Variants in GNL3L observed in about 807,000 individuals in gnomAD.
The protein encoded by GNL3L is G protein nucleolar 3 like.
GNL3L carries 4 observed loss-of-function variants against 42.9 expected under a neutral mutation model. That is an observed-to-expected ratio of 0.09 (90% CI 0.05 to 0.21). The LOEUF (loss-of-function observed/expected upper bound fraction) is 0.21. Ranked by LOEUF, GNL3L falls within the 10% of genes least tolerant of loss-of-function variation. The pLI is 1.00. For missense variants in GNL3L, 412 were observed against 481.7 expected, an observed-to-expected ratio of 0.86 and a Z score of 1.36; for synonymous variants, 159 against 176.3, an observed-to-expected ratio of 0.90 and a Z score of 0.78.
chrX:54,586,725 C>G (rs1345090087), intron 16 of GNL3L, among the ~76,000 whole-genome samples: 2 of 112,080 alleles, frequency 1.8e-5, no homozygotes, highest in East Asian at 5.6e-4. Flanking sequence ...CTCTACATAC[C>G]ACAGACAGCA....
At chrX:54,539,231 C>T (rs1924540138) in intron 3 of GNL3L, 130 bp downstream of exon 3, 1 of 368,449 alleles carries the variant, frequency 2.7e-6, no homozygotes. Flanking sequence ...ATCTGGCTTT[C>T]CCTCCTTCTC....
intron 14 of GNL3L, among the ~76,000 whole-genome samples, chrX:54,557,496 G>T (rs967394331): frequency 1.8e-5 from 2 of 110,906 alleles, no homozygotes; most frequent in African/African-American, 3.3e-5. Context: ...GTGCAGTGGT[G>T]CAGTCTTGGC....
intron 8 of GNL3L, among the ~76,000 whole-genome samples, chrX:54,547,827 G>T (rs1334083656): frequency 8.9e-6 from 1 of 112,091 alleles, no homozygotes; most frequent in Non-Finnish European, 1.9e-5. Flanking sequence ...TGTGGGCCAG[G>T]CTCCCTCTCA....
the GNL3L span, among the ~76,000 whole-genome samples, chrX:54,634,342 C>CCTGGG: frequency 8.9e-6 from 1 of 111,755 alleles, no homozygotes; most frequent in Admixed American, 9.5e-5. Flanking sequence ...ACTCTTGTTA[C>CCTGGG]CTGGGCTGGA....
chrX:54,625,335 G>A (rs1039120479), downstream of GNL3L, among the ~76,000 whole-genome samples: 15 of 108,050 alleles, frequency 1.4e-4, no homozygotes, highest in African/African-American at 5.0e-4. Flanking sequence ...TAGAGGAAGC[G>A]CTCTTCTATC....
At chrX:54,586,591 C>T (rs184181509) in intron 16 of GNL3L, among the ~76,000 whole-genome samples, 1 of 112,128 alleles carries the variant, frequency 8.9e-6, no homozygotes, top group East Asian at 2.8e-4. Context: ...AAAGCCAATA[C>T]CCCCCAGCTT....
At chrX:54,613,747 A>G (rs974228515) in intron 16 of GNL3L, among the ~76,000 whole-genome samples, 1 of 111,114 alleles carries the variant, frequency 9.0e-6, no homozygotes, top group Non-Finnish European at 1.9e-5. Context: ...GCAGAGTCAT[A>G]TCATGTGAAC....
At chrX:54,577,894 A>G (rs1454006666) in intron 16 of GNL3L, among the ~76,000 whole-genome samples, 2 of 110,534 alleles carry the variant, frequency 1.8e-5, no homozygotes, top group African/African-American at 6.6e-5. Context: ...GGCGTGGGCC[A>G]CAATGCCTGG....
intron 9 of GNL3L, among the ~76,000 whole-genome samples, chrX:54,549,258 A>G (rs1924860482): frequency 9.0e-6 from 1 of 111,719 alleles, no homozygotes; most frequent in Admixed American, 9.5e-5. Context: ...ATACAGATCC[A>G]CAAACACATA....
chrX:54,624,287 C>T (rs1212694107), downstream of GNL3L, among the ~76,000 whole-genome samples: 3 of 88,813 alleles, frequency 3.4e-5, no homozygotes, highest in African/African-American at 2.8e-4. Flanking sequence ...GATAGTTTTA[C>T]ATCTTTCTGT....
At chrX:54,639,665 C>G in the GNL3L span, among the ~76,000 whole-genome samples, 1 of 111,037 alleles carries the variant, frequency 9.0e-6, no homozygotes, top group Non-Finnish European at 1.9e-5. Context: ...TAGTGTGTCG[C>G]CACTTTAAAA....
At position 54,564,608 on chromosome X, in the gene GNL3L, G is replaced by C. The variant is rs776496101; in HGVS notation, c.*4006G>C. 9.4e-6 allele frequency among the ~76,000 whole-genome samples: 1 copy of C among 106,032 alleles called. No individual in the cohort carries two copies. The highest frequency in any genetic ancestry group is 3.0e-4 in the East Asian group (1 of 3,375). The allele number at this position is 106,032 out of a possible 115,157, so 92.1% of individuals were successfully genotyped here. On this transcript the variant is annotated 3_prime_UTR_variant, in exon 16 of 16. Coordinates refer to ENST00000360845, the MANE Select transcript of GNL3L (RefSeq NM_001184819.2). Reference sequence around the variant, plus strand: ...TTTTTAGTAGAGATGGGGTTTCACTGTTTTGGCCAGGCTGGTCTCGAACTC... The same window carrying C: ...TTTTTAGTAGAGATGGGGTTTCACTCTTTTGGCCAGGCTGGTCTCGAACTC...
At chrX:54,584,742 AT>A (rs1189308682) in intron 16 of GNL3L, among the ~76,000 whole-genome samples, 1 of 112,172 alleles carries the variant, frequency 8.9e-6, no homozygotes, top group Non-Finnish European at 1.9e-5. Flanking sequence ...TCTGTTTTTA[AT>A]TTTTTTGAGG....
At chrX:54,547,715 A>T (rs183351146) in intron 8 of GNL3L, among the ~76,000 whole-genome samples, 7 of 111,396 alleles carry the variant, frequency 6.3e-5, no homozygotes, top group East Asian at 2.9e-4. Flanking sequence ...AAAGAAAAAA[A>T]GTAAGGGAAG....
At chrX:54,553,497 CA>C (rs200330174) in intron 13 of GNL3L, among the ~76,000 whole-genome samples, 2,128 of 112,320 alleles carry the variant, frequency 0.019, 30 homozygotes, top group Non-Finnish European at 0.03. Context: ...GTTTGTATTT[CA>C]TGTGGCTTTG....
At chrX:54,585,305 T>C (rs1014250830) in intron 16 of GNL3L, among the ~76,000 whole-genome samples, 1 of 108,194 alleles carries the variant, frequency 9.2e-6, no homozygotes, top group East Asian at 2.9e-4. Context: ...TTTTCCCTTA[T>C]TTTTTTTTTA....
chrX:54,581,213 A>G (rs7887148), intron 16 of GNL3L, among the ~76,000 whole-genome samples: 8,865 of 112,022 alleles, frequency 0.079, 717 homozygotes, highest in African/African-American at 0.25. Context: ...ATTGATATTG[A>G]TAAAGTCAAA....
In GNL3L at chrX:54,550,993, T is replaced by C; in HGVS notation, c.806T>C (p.Ile269Thr). 1 of 1,163,983 alleles carries C rather than the reference T, an allele frequency of 8.6e-7. No individual in the cohort carries two copies. The highest frequency in any genetic ancestry group is 1.2e-6 in the Non-Finnish European group (1 of 851,987). ...GLPNVGKSSL[I>T]NSLKRSRACS... ...CCCAATGTTGGGAAGAGCAGCCTGA[T>C]CAATAGCCTGAAGCGCAGCCGCGCA... The change falls in exon 10 of 16, where the codon ATC becomes ACC. Residue 269 changes from isoleucine (I) to threonine (T), a missense_variant. Transcript: ENST00000360845.
Position 54,563,835 on chromosome X carries a change from C to T in GNL3L, c.*3233C>T, listed in dbSNP as rs1392475905. Among the ~76,000 whole-genome samples the T allele has an allele frequency of 9.0e-6, 1 of 111,174 alleles. No individual in the cohort carries two copies. The highest frequency in any genetic ancestry group is 1.9e-5 in the Non-Finnish European group (1 of 53,069). On this transcript the variant is annotated 3_prime_UTR_variant, in exon 16 of 16. Coordinates refer to ENST00000360845, the MANE Select transcript of GNL3L (RefSeq NM_001184819.2). ...AAAAGACGTTGGGAGTGCAGTTTCT[C>T]TACCTACAGCATATCTCAAAGGTTT...
Sources: allele counts gnomAD v4.1 joint callset (sites outside exome capture counted in the v4.1 genomes callset), GRCh38; gene constraint gnomAD v4.1.1; transcripts MANE v1.5; gene names NCBI Gene and HGNC (gene_info 2026-07-23, HGNC 2026-07-21).